The following WASF3 variants were observed in gnomAD, a reference collection of about 807,000 sequenced individuals.
WASF3 encodes WASP family member 3.
Under a neutral mutation model 46.6 loss-of-function variants are expected in WASF3, and 11 were observed. The ratio of observed to expected loss-of-function variants is 0.24; its 90% CI spans 0.15 to 0.39. WASF3 has a LOEUF of 0.39. Ranked by LOEUF, WASF3 falls within the 10% of genes least tolerant of loss-of-function variation. The pLI is 1.00. For missense variants in WASF3, 576 were observed against 669.8 expected, an observed-to-expected ratio of 0.86 and a Z score of 1.55; for synonymous variants, 242 against 259.7, an observed-to-expected ratio of 0.93 and a Z score of 0.65.
chr13:26,677,750 T>C (rs1035951591), intron 7 of WASF3, among the ~76,000 whole-genome samples: 3 of 152,242 alleles, frequency 2.0e-5, no homozygotes, highest in African/African-American at 7.2e-5. Context: ...TGTGAGTTTA[T>C]TTCTATAGAA....
chr13:26,629,043 G>C (rs1033423733), intron 2 of WASF3, among the ~76,000 whole-genome samples: 1 of 152,230 alleles, frequency 6.6e-6, no homozygotes, highest in Non-Finnish European at 1.5e-5. Flanking sequence ...TGGGTGGTTT[G>C]ATATGTGATG....
chr13:26,674,909 T>TGA (rs1883018797), intron 6 of WASF3, among the ~76,000 whole-genome samples: 1 of 152,254 alleles, frequency 6.6e-6, no homozygotes, highest in Non-Finnish European at 1.5e-5. Flanking sequence ...ATTACTTTCT[T>TGA]TTGATGAAAG....
chr13:26,567,705 A>ATAT (rs200016780), intron 1 of WASF3, among the ~76,000 whole-genome samples: 8 of 148,752 alleles, frequency 5.4e-5, no homozygotes, highest in Non-Finnish European at 1.2e-4. Flanking sequence ...CATTAAAAAA[A>ATAT]AAATATATAT....
At chr13:26,584,943 A>C (rs567273299) in intron 1 of WASF3, among the ~76,000 whole-genome samples, 63 of 152,320 alleles carry the variant, frequency 4.1e-4, no homozygotes, top group African/African-American at 1.5e-3. Flanking sequence ...TGCTAACTAA[A>C]TAGTTAAGGG....
chr13:26,622,767 T>C (rs1037461372), intron 2 of WASF3: 14 of 147,698 alleles, frequency 9.5e-5, no homozygotes, highest in African/African-American at 3.2e-4. Context: ...AAAGCGAGAC[T>C]CCGTCTCAAA....
chr13:26,560,644 C>G (rs939631174), intron 1 of WASF3, among the ~76,000 whole-genome samples: 1 of 152,132 alleles, frequency 6.6e-6, no homozygotes, highest in African/African-American at 2.4e-5. Context: ...TGATAAGTAC[C>G]ATGATAGAGT....
At chr13:26,637,602 A>G (rs1881867801) in intron 2 of WASF3, among the ~76,000 whole-genome samples, 1 of 152,170 alleles carries the variant, frequency 6.6e-6, no homozygotes, top group African/African-American at 2.4e-5. Flanking sequence ...GTATCCCGTT[A>G]TCCTTATGCA....
chr13:26,625,832 G>A lies in WASF3; in HGVS notation c.-11+12774G>A, dbSNP rs1164225716. 5.9e-5 allele frequency among the ~76,000 whole-genome samples: 9 copies of A among 152,248 alleles called. No homozygotes were observed. In the South Asian group the frequency reaches 1.4e-3, roughly 25 times the overall value. On this transcript the variant is annotated intron_variant, in intron 2 of 9. Coordinates refer to ENST00000335327, the MANE Select transcript of WASF3 (RefSeq NM_006646.6). Reference sequence around the variant, plus strand: ...TGCATGAAGTTGTTCAGTATTATTCGAAGGTAGGTGTGATAAGCTAAAAAT... The same window carrying A: ...TGCATGAAGTTGTTCAGTATTATTCAAAGGTAGGTGTGATAAGCTAAAAAT...
At chr13:26,591,413 G>A (rs955947868) in intron 1 of WASF3, among the ~76,000 whole-genome samples, 1 of 152,104 alleles carries the variant, frequency 6.6e-6, no homozygotes, top group African/African-American at 2.4e-5. Context: ...AAGCAGTTGA[G>A]GTGGGGGAAG....
intron 6 of WASF3, among the ~76,000 whole-genome samples, chr13:26,675,707 C>T (rs1214539608): frequency 7.5e-6 from 1 of 132,654 alleles, no homozygotes; most frequent in Non-Finnish European, 1.6e-5. Flanking sequence ...TGGCGCAGTA[C>T]CTCGGGCATA....
intron 1 of WASF3, chr13:26,576,922 G>T: frequency 1.3e-6 from 1 of 775,946 alleles, no homozygotes; most frequent in Non-Finnish European, 2.2e-6. Context: ...TACGAAAGGA[G>T]GCAAAAAGGG....
chr13:26,595,113 A>G (rs545465020), intron 1 of WASF3, among the ~76,000 whole-genome samples: 13 of 152,362 alleles, frequency 8.5e-5, no homozygotes, highest in Admixed American at 6.5e-4. Context: ...GGCACTTACC[A>G]TAAAGACTTG....
At chr13:26,594,237 C>T (rs941023763) in intron 1 of WASF3, among the ~76,000 whole-genome samples, 1 of 152,166 alleles carries the variant, frequency 6.6e-6, no homozygotes, top group African/African-American at 2.4e-5. Context: ...TCCTTCAGTT[C>T]CAGCGAGGGC....
chr13:26,681,160 C>T lies in WASF3; in HGVS notation c.823C>T (p.His275Tyr). ...CTATGCAGCTGGTGACGTGCCACCA[C>T]ACGGGCCTGCAAGCCAGGCTGCGGA... ...PSYAAGDVPP[H>Y]GPASQAAEHE... Residue 275 changes from histidine to tyrosine, a missense_variant, in exon 8 of 10, where the codon CAC (histidine) becomes TAC (tyrosine). By Grantham distance (83) the His-to-Tyr change is moderately conservative. Around this residue, in one of 3 missense-constraint regions of WASF3, gnomAD observed 295 missense variants for 291.5 expected, o/e 1.01. Coordinates refer to ENST00000335327, the MANE Select transcript of WASF3 (RefSeq NM_006646.6). 1 of 1,614,182 alleles carries T rather than the reference C, an allele frequency of 6.2e-7. No individual in the cohort carries two copies.
chr13:26,586,961 G>C (rs1225439300), intron 1 of WASF3, among the ~76,000 whole-genome samples: 1 of 151,574 alleles, frequency 6.6e-6, no homozygotes, highest in Non-Finnish European at 1.5e-5. Flanking sequence ...AAATTAGCCA[G>C]GTGTGGTGGC....
rs1385182359 is a variant in WASF3, at chr13:26,687,874, T to C, written c.*2029T>C. 6.6e-6 allele frequency: 1 copy of C among 152,144 alleles called. No homozygotes were observed. Among genetic ancestry groups the C allele is most frequent in the South Asian group, 2.1e-4 (1 of 4,822 alleles). The allele number at this position is 152,144 out of a possible 1,614,324, so 9.4% of individuals were successfully genotyped here. A position where few individuals can be genotyped will look rare whatever the true frequency, so the allele number is the denominator to read the frequency against. On this transcript the variant is annotated 3_prime_UTR_variant, in exon 10 of 10. Coordinates refer to ENST00000335327, the MANE Select transcript of WASF3 (RefSeq NM_006646.6). ...TCTAGAACTCCCCTTTGGTAATGCT[T>C]CTTTGTTTTTTTATGGCCCTTCTGT...
At chr13:26,547,088 A>T in the WASF3 span, among the ~76,000 whole-genome samples, 3 of 151,300 alleles carry the variant, frequency 2.0e-5, no homozygotes, top group Non-Finnish European at 2.9e-5. Flanking sequence ...AATAGATATC[A>T]TGGTGGTTGG....
intron 9 of WASF3, among the ~76,000 whole-genome samples, chr13:26,684,419 G>A (rs1424406984): frequency 6.6e-6 from 1 of 151,958 alleles, no homozygotes. Context: ...CGAGAAGGTT[G>A]TAAAACACAA....
chr13:26,595,568 C>T (rs751963736), intron 1 of WASF3, among the ~76,000 whole-genome samples: 17 of 152,098 alleles, frequency 1.1e-4, no homozygotes, highest in Non-Finnish European at 2.2e-4. Context: ...AGTTTTAGCA[C>T]ATGTGTAGAT....
Sources: allele counts gnomAD v4.1 joint callset (sites outside exome capture counted in the v4.1 genomes callset), GRCh38; gene constraint gnomAD v4.1.1; regional missense constraint gnomAD v4.1.1; transcripts MANE v1.5; gene names NCBI Gene and HGNC (gene_info 2026-07-23, HGNC 2026-07-21).